GLRA3: variants seen among roughly 807,000 people sequenced by gnomAD.
The protein encoded by GLRA3 is glycine receptor subunit alpha-3.
Under a neutral mutation model 60.4 loss-of-function variants are expected in GLRA3, and 44 were observed. That is an observed-to-expected ratio of 0.73 (90% CI 0.57 to 0.94). GLRA3 has a LOEUF of 0.94. GLRA3 is among the 40% of genes least tolerant of loss of function. The probability of loss-of-function intolerance (pLI) is 0.00; values close to 1 mark genes in which losing one functional copy is unlikely to be tolerated. For missense variants in GLRA3, 508 were observed against 564.6 expected, an observed-to-expected ratio of 0.90 and a Z score of 1.02; for synonymous variants, 223 against 192.9, an observed-to-expected ratio of 1.16 and a Z score of -1.29.
intron 1 of GLRA3, among the ~76,000 whole-genome samples, chr4:174,821,746 A>G (rs1340203913): frequency 6.6e-6 from 1 of 152,164 alleles, no homozygotes. Flanking sequence ...GGGGCAAAGA[A>G]CCAAACCCTT....
intron 1 of GLRA3, among the ~76,000 whole-genome samples, chr4:174,822,442 T>A (rs140365807): frequency 3.5e-4 from 53 of 152,220 alleles, no homozygotes; most frequent in South Asian, 2.7e-3. Flanking sequence ...GAAAAAATAG[T>A]TCATTTTGTC....
chr4:174,818,683 G>A (rs1426555170), intron 1 of GLRA3, among the ~76,000 whole-genome samples: 1 of 152,096 alleles, frequency 6.6e-6, no homozygotes, highest in Non-Finnish European at 1.5e-5. Context: ...TAAAGCAGAA[G>A]GAAGATTTCT....
chr4:174,770,324 A>C (rs1481662509), intron 2 of GLRA3, among the ~76,000 whole-genome samples: 2 of 152,104 alleles, frequency 1.3e-5, no homozygotes, highest in Non-Finnish European at 2.9e-5. Context: ...CAGTATTTTT[A>C]AAAGCTTCCT....
intron 1 of GLRA3, among the ~76,000 whole-genome samples, chr4:174,814,624 T>C (rs1471108380): frequency 1.3e-5 from 2 of 152,174 alleles, no homozygotes; most frequent in Non-Finnish European, 2.9e-5. Flanking sequence ...CTCACAATCA[T>C]GGCAAAGGAG....
chr4:174,706,045 T>A (rs140179969), intron 5 of GLRA3, among the ~76,000 whole-genome samples: 4 of 152,074 alleles, frequency 2.6e-5, no homozygotes, highest in South Asian at 2.1e-4. Context: ...CTGTGTAACA[T>A]GGTGAAACCC....
chr4:174,717,415 G>A (rs1735970141), intron 4 of GLRA3, among the ~76,000 whole-genome samples: 1 of 152,058 alleles, frequency 6.6e-6, no homozygotes, highest in Admixed American at 6.6e-5. Flanking sequence ...AACTATTTAA[G>A]CTTTAACAAA....
intron 7 of GLRA3, among the ~76,000 whole-genome samples, chr4:174,671,849 C>T (rs575254926): frequency 7.6e-4 from 116 of 152,096 alleles, no homozygotes; most frequent in Middle Eastern, 6.8e-3. Flanking sequence ...CGGGGTTTTG[C>T]CATGTTGGCT....
intron 1 of GLRA3, among the ~76,000 whole-genome samples, chr4:174,797,917 C>G (rs1449573504): frequency 6.7e-6 from 1 of 149,264 alleles, no homozygotes; most frequent in African/African-American, 2.5e-5. Flanking sequence ...GAGTGAGACC[C>G]TATCTCAAAA....
intron 6 of GLRA3, among the ~76,000 whole-genome samples, chr4:174,681,592 G>A (rs1734345062): frequency 6.6e-6 from 1 of 152,140 alleles, no homozygotes; most frequent in Non-Finnish European, 1.5e-5. Flanking sequence ...GAAATAGGTA[G>A]TCAGGAAGAG....
At chr4:174,800,759 T>C (rs1171034514) in intron 1 of GLRA3, among the ~76,000 whole-genome samples, 1 of 152,136 alleles carries the variant, frequency 6.6e-6, no homozygotes, top group Admixed American at 6.5e-5. Context: ...TTACTATTTT[T>C]TGACTTTCTG....
intron 5 of GLRA3, among the ~76,000 whole-genome samples, chr4:174,688,889 G>T (rs1734670918): frequency 6.6e-6 from 1 of 152,068 alleles, no homozygotes; most frequent in Non-Finnish European, 1.5e-5. Flanking sequence ...GAAGAGAAAA[G>T]TGATGACAGG....
At chr4:174,707,925 CA>C (rs1197333606) in intron 5 of GLRA3, among the ~76,000 whole-genome samples, 2 of 152,076 alleles carry the variant, frequency 1.3e-5, no homozygotes, top group Non-Finnish European at 2.9e-5. Flanking sequence ...AAGATGTGGA[CA>C]GACTAGAAGA....
At chr4:174,786,109 A>G (rs1259273110) in intron 2 of GLRA3, among the ~76,000 whole-genome samples, 1 of 151,866 alleles carries the variant, frequency 6.6e-6, no homozygotes, top group Non-Finnish European at 1.5e-5. Flanking sequence ...TAAAATTTTA[A>G]TATATATTAC....
chr4:174,675,090 C>T (rs904689940), intron 7 of GLRA3, among the ~76,000 whole-genome samples: 1 of 152,124 alleles, frequency 6.6e-6, no homozygotes, highest in Non-Finnish European at 1.5e-5. Context: ...ATACAGTCAA[C>T]TTCTTTTAAG....
intron 4 of GLRA3, among the ~76,000 whole-genome samples, chr4:174,721,858 T>C (rs1002479560): frequency 1.7e-4 from 17 of 97,788 alleles, no homozygotes; most frequent in Non-Finnish European, 3.3e-4. Context: ...TGTATACATA[T>C]GTGTGTGTAT....
chr4:174,689,745 G>A (rs971098204), intron 5 of GLRA3, among the ~76,000 whole-genome samples: 33 of 109,516 alleles, frequency 3.0e-4, no homozygotes, highest in Admixed American at 2.4e-3. Flanking sequence ...GCACAGAGTG[G>A]TAAGTCGCAT....
intron 3 of GLRA3, among the ~76,000 whole-genome samples, chr4:174,758,650 A>G (rs1319625360): frequency 6.6e-6 from 1 of 152,176 alleles, no homozygotes; most frequent in African/African-American, 2.4e-5. Flanking sequence ...TAATGCATCA[A>G]TATTTGTTCA....
At chr4:174,754,618 A>G (rs1737617950) in intron 3 of GLRA3, among the ~76,000 whole-genome samples, 1 of 152,180 alleles carries the variant, frequency 6.6e-6, no homozygotes, top group Non-Finnish European at 1.5e-5. Context: ...CAAATAGTGA[A>G]TAAATGTACC....
At chr4:174,733,404 A>C (rs1380949158) in intron 3 of GLRA3, among the ~76,000 whole-genome samples, 1 of 152,186 alleles carries the variant, frequency 6.6e-6, no homozygotes, top group South Asian at 2.1e-4. Flanking sequence ...CATCTTAAAA[A>C]ATCCTTCTGG....
Sources: gnomAD v4.1 joint callset for allele counts (sites outside exome capture counted in the v4.1 genomes callset) on GRCh38, gnomAD v4.1.1 for gene constraint, MANE v1.5 for transcripts, NCBI Gene and HGNC (gene_info 2026-07-23, HGNC 2026-07-21) for gene names.